The following SLC14A2 variants were observed in gnomAD, a reference collection of about 807,000 sequenced individuals.
The protein encoded by SLC14A2 is solute carrier family 14 member 2.
A neutral mutation model predicts 104.6 loss-of-function variants in SLC14A2; 91 were observed. The observed-to-expected ratio is 0.87, with a 90% CI of 0.73 to 1.04. SLC14A2 has a LOEUF of 1.04. SLC14A2 is among the 50% of genes least tolerant of loss of function. The pLI is 0.00. For missense variants in SLC14A2, 1,189 were observed against 1,156.0 expected, an observed-to-expected ratio of 1.03 and a Z score of -0.41; for synonymous variants, 476 against 466.4, an observed-to-expected ratio of 1.02 and a Z score of -0.27.
intron 2 of SLC14A2, among the ~76,000 whole-genome samples, chr18:45,557,952 A>G (rs2044153885): frequency 6.6e-6 from 1 of 152,162 alleles, no homozygotes; most frequent in African/African-American, 2.4e-5. Context: ...GGGCATTTCC[A>G]TAAGTGACAC....
intron 2 of SLC14A2, among the ~76,000 whole-genome samples, chr18:45,561,038 A>T (rs2044194625): frequency 6.6e-6 from 1 of 152,168 alleles, no homozygotes; most frequent in African/African-American, 2.4e-5. Flanking sequence ...ACAGCACAGG[A>T]TACTGTGTGG....
rs34439251 is a variant in SLC14A2, at chr18:45,558,233, A to G, written c.-34-66398A>G. ...ATCTGTCCTCTAAAGCTCAGTTCAAATGCTGTCTCCTTATTGTAGACCCCT... is the reference window on the plus strand; with the variant it reads ...ATCTGTCCTCTAAAGCTCAGTTCAAGTGCTGTCTCCTTATTGTAGACCCCT... On this transcript the variant is annotated intron_variant, in intron 2 of 20. Transcript: ENST00000586448. Among the ~76,000 whole-genome samples, 608 of 152,190 alleles carry G rather than the reference A, an allele frequency of 4.0e-3. 5 individuals carry two copies. The highest frequency in any genetic ancestry group is 6.8e-3 in the Middle Eastern group (2 of 292).
intron 2 of SLC14A2, chr18:45,527,915 G>A (rs1297790306): frequency 6.6e-6 from 1 of 152,164 alleles, no homozygotes; most frequent in African/African-American, 2.4e-5. Flanking sequence ...CCTTATTGAT[G>A]TGAAGTCTTG....
intron 1 of SLC14A2, among the ~76,000 whole-genome samples, chr18:45,277,187 A>C (rs1568131693): frequency 6.6e-6 from 1 of 152,232 alleles, no homozygotes; most frequent in Non-Finnish European, 1.5e-5. Flanking sequence ...TATGGTTTCC[A>C]GTTCTGCTAC....
At chr18:45,211,067 T>C (rs2083957277), upstream of SLC14A2, among the ~76,000 whole-genome samples, 1 of 152,232 alleles carries the variant, frequency 6.6e-6, no homozygotes, top group Non-Finnish European at 1.5e-5. Flanking sequence ...ATCTCTCTTT[T>C]CAGATAATGT....
At chr18:45,414,553 C>T (rs1328107892) in intron 1 of SLC14A2, among the ~76,000 whole-genome samples, 1 of 151,128 alleles carries the variant, frequency 6.6e-6, no homozygotes, top group Non-Finnish European at 1.5e-5. Flanking sequence ...ACGTGTATAC[C>T]TATGTAACAA....
At chr18:45,454,174 G>A (rs549261899) in intron 1 of SLC14A2, among the ~76,000 whole-genome samples, 1 of 152,176 alleles carries the variant, frequency 6.6e-6, no homozygotes, top group Non-Finnish European at 1.5e-5. Context: ...CTGCTTTCTT[G>A]TAGAATCAAA....
At chr18:45,516,484 G>T (rs1056579135) in intron 2 of SLC14A2, among the ~76,000 whole-genome samples, 2 of 152,210 alleles carry the variant, frequency 1.3e-5, no homozygotes, top group African/African-American at 2.4e-5. Flanking sequence ...CTGCCCCAGG[G>T]ACGAGAGTGG....
chr18:45,247,332 G>A lies in SLC14A2; in HGVS notation c.-125+34141G>A, dbSNP rs1217797959. On this transcript the variant is annotated intron_variant, in intron 1 of 20. Coordinates refer to the SLC14A2 transcript ENST00000586448. ...ATCTATTGTATAAAAAGTTATATAA[G>A]TTTGCGAGAATTGAGCAAGTAATGT... Among the ~76,000 whole-genome samples the A allele has an allele frequency of 2.6e-5, 4 of 152,312 alleles. No homozygotes were observed. The East Asian group carries it at 7.7e-4, about 29-fold the overall frequency.
the SLC14A2 span, among the ~76,000 whole-genome samples, chr18:45,177,896 A>G: frequency 6.6e-6 from 1 of 152,202 alleles, no homozygotes; most frequent in Non-Finnish European, 1.5e-5. Context: ...AAGGCAGAGT[A>G]AGGACACTGG....
At chr18:45,297,830 A>G (rs1157012912) in intron 1 of SLC14A2, among the ~76,000 whole-genome samples, 1 of 152,150 alleles carries the variant, frequency 6.6e-6, no homozygotes, top group African/African-American at 2.4e-5. Context: ...AATAGCAGGC[A>G]CCCAACCAAC....
intron 1 of SLC14A2, among the ~76,000 whole-genome samples, chr18:45,261,255 C>T (rs1337415019): frequency 2.0e-5 from 3 of 151,406 alleles, no homozygotes; most frequent in Admixed American, 6.6e-5. Context: ...TGAGTGAGAA[C>T]ATGCGGGGTT....
intron 2 of SLC14A2, among the ~76,000 whole-genome samples, chr18:45,541,915 T>C (rs2043889507): frequency 6.6e-6 from 1 of 151,976 alleles, no homozygotes; most frequent in Non-Finnish European, 1.5e-5. Context: ...TAGGTACTTG[T>C]GTGGTGAAGG....
chr18:45,333,839 A>T (rs1448835992), intron 1 of SLC14A2, among the ~76,000 whole-genome samples: 1 of 152,230 alleles, frequency 6.6e-6, no homozygotes, highest in Non-Finnish European at 1.5e-5. Context: ...TGAGCTCTGT[A>T]CTAAGCCCAC....
intron 1 of SLC14A2, among the ~76,000 whole-genome samples, chr18:45,340,174 A>G (rs1354557040): frequency 6.6e-6 from 1 of 152,220 alleles, no homozygotes; most frequent in Admixed American, 6.5e-5. Context: ...TCAGAGCAGC[A>G]TTTCTGAACA....
intron 1 of SLC14A2, among the ~76,000 whole-genome samples, chr18:45,482,290 T>C (rs1320160629): frequency 6.6e-6 from 1 of 152,186 alleles, no homozygotes; most frequent in Non-Finnish European, 1.5e-5. Flanking sequence ...GGTACAGACA[T>C]ATTAACATAT....
chr18:45,451,183 A>G (rs1208857080), intron 1 of SLC14A2, among the ~76,000 whole-genome samples: 6 of 152,218 alleles, frequency 3.9e-5, no homozygotes, highest in Non-Finnish European at 8.8e-5. Flanking sequence ...TGAATGGTCC[A>G]GTCAACTAAC....
intron 1 of SLC14A2, among the ~76,000 whole-genome samples, chr18:45,277,544 TACTATAGGCATA>T (rs1303900758): frequency 6.6e-6 from 1 of 152,058 alleles, no homozygotes; most frequent in Admixed American, 6.6e-5. Flanking sequence ...GAGTAGCTGG[TACTATAGGCATA>T]TGCCACCACA....
At chr18:45,282,671 A>G (rs2084774535) in intron 1 of SLC14A2, among the ~76,000 whole-genome samples, 1 of 152,144 alleles carries the variant, frequency 6.6e-6, no homozygotes, top group Non-Finnish European at 1.5e-5. Context: ...GTGAGGCTGG[A>G]CAGTGGGCAA....
Sources: gnomAD v4.1 joint callset for allele counts (sites outside exome capture counted in the v4.1 genomes callset) on GRCh38, gnomAD v4.1.1 for gene constraint, MANE v1.5 for transcripts, NCBI Gene and HGNC (gene_info 2026-07-23, HGNC 2026-07-21) for gene names.